Variants in PHLDB2 observed in about 807,000 individuals in gnomAD.
PHLDB2 encodes pleckstrin homology like domain family B member 2, also known as pleckstrin homology-like domain family B member 2.
Under a neutral mutation model 123.6 loss-of-function variants are expected in PHLDB2, and 71 were observed. The ratio of observed to expected loss-of-function variants is 0.57; its 90% CI spans 0.47 to 0.70. The LOEUF is 0.70. Among genes scored for constraint, PHLDB2 ranks in the 30% least tolerant of loss-of-function variants. The probability of loss-of-function intolerance (pLI) is 0.00; values close to 1 mark genes in which losing one functional copy is unlikely to be tolerated. For missense variants in PHLDB2, 1,446 were observed against 1,519.5 expected, an observed-to-expected ratio of 0.95 and a Z score of 0.80; for synonymous variants, 547 against 541.6, an observed-to-expected ratio of 1.01 and a Z score of -0.14.
At chr3:111,920,241 C>G in intron 4 of PHLDB2, 41 bp from the exon 5 acceptor site, 2 of 1,594,308 alleles carry the variant, frequency 1.3e-6, no homozygotes, top group African/African-American at 1.4e-5. Flanking sequence ...GAGAATATCC[C>G]CAAAGGTGAA....
chr3:111,945,003 C>T (rs111227861), intron 8 of PHLDB2, among the ~76,000 whole-genome samples: 8 of 152,268 alleles, frequency 5.3e-5, no homozygotes, highest in African/African-American at 1.9e-4. Flanking sequence ...TTATTTTAAA[C>T]ACATTTTTAA....
intron 2 of PHLDB2, among the ~76,000 whole-genome samples, chr3:111,903,102 G>T (rs1315138393): frequency 6.6e-6 from 1 of 152,026 alleles, no homozygotes; most frequent in African/African-American, 2.4e-5. Flanking sequence ...AAGATTAAAA[G>T]AACTAAATTT....
At chr3:111,751,240 G>C (rs2059769230) in intron 1 of PHLDB2, among the ~76,000 whole-genome samples, 1 of 151,822 alleles carries the variant, frequency 6.6e-6, no homozygotes, top group African/African-American at 2.4e-5. Context: ...GAGTCCAGCA[G>C]GGAGGAAGAT....
Position 111,939,471 on chromosome 3 carries a change from A to T in PHLDB2, c.2131-4A>T. 1.3e-6 allele frequency: 2 copies of T among 1,599,356 alleles called. No homozygotes were observed. Among genetic ancestry groups the T allele is most frequent in the Middle Eastern group, 3.3e-4 (2 of 5,978 alleles). Reference sequence around the variant, plus strand: ...GTCTTGTTTTCATTCACTTTTCTCCAAAGGATGCTGACCTGTTGGATGTTG... The same window carrying T: ...GTCTTGTTTTCATTCACTTTTCTCCTAAGGATGCTGACCTGTTGGATGTTG... On this transcript the variant is annotated splice_region_variant and splice_polypyrimidine_tract_variant and intron_variant, in intron 6 of 17. Coordinates refer to ENST00000431670, the MANE Select transcript of PHLDB2 (RefSeq NM_001134438.2).
At chr3:111,885,945 T>G (rs1398058320) in intron 2 of PHLDB2, 1 of 283,804 alleles carries the variant, frequency 3.5e-6, no homozygotes, top group Admixed American at 4.7e-5. Flanking sequence ...TTAGCTCTGA[T>G]TCTTATCACG....
At chr3:111,757,605 G>A (rs977310540) in intron 1 of PHLDB2, among the ~76,000 whole-genome samples, 27 of 152,190 alleles carry the variant, frequency 1.8e-4, no homozygotes, top group Non-Finnish European at 2.8e-4. Flanking sequence ...GCTTTGTTCC[G>A]TTGCTGGTGA....
At chr3:111,949,922 A>G (rs922330984) in intron 10 of PHLDB2, 17 of 977,168 alleles carry the variant, frequency 1.7e-5, no homozygotes, top group African/African-American at 5.3e-5. Flanking sequence ...GAGTTTGGGA[A>G]TGTTATTTTG....
At chr3:111,873,011 T>C (rs1287454598) in intron 1 of PHLDB2, among the ~76,000 whole-genome samples, 1 of 152,266 alleles carries the variant, frequency 6.6e-6, no homozygotes, top group Non-Finnish European at 1.5e-5. Context: ...AAAAATGGGG[T>C]ATCAAACACG....
chr3:111,893,075 T>C (rs1405448517), intron 2 of PHLDB2, among the ~76,000 whole-genome samples: 2 of 134,274 alleles, frequency 1.5e-5, no homozygotes, highest in African/African-American at 2.6e-5. Context: ...CTGTCTCTAT[T>C]TCCTAGTGAG....
intron 1 of PHLDB2, among the ~76,000 whole-genome samples, chr3:111,817,160 G>C (rs1034045257): frequency 6.6e-6 from 1 of 152,032 alleles, no homozygotes; most frequent in Non-Finnish European, 1.5e-5. Context: ...ATGTGAAAAC[G>C]GACTAATACA....
chr3:111,745,803 A>AG (rs758261515), intron 1 of PHLDB2, among the ~76,000 whole-genome samples: 56 of 53,004 alleles, frequency 1.1e-3, no homozygotes, highest in Non-Finnish European at 2.0e-3. Flanking sequence ...AGAAAAGAGA[A>AG]AGAAAGAAGA....
intron 2 of PHLDB2, among the ~76,000 whole-genome samples, chr3:111,848,625 A>G (rs1231953540): frequency 2.0e-5 from 3 of 152,186 alleles, no homozygotes; most frequent in Non-Finnish European, 4.4e-5. Flanking sequence ...GGGTGTGGGG[A>G]GAAAAATACT....
chr3:111,921,300 C>A (rs2068486204), intron 5 of PHLDB2, among the ~76,000 whole-genome samples: 1 of 152,180 alleles, frequency 6.6e-6, no homozygotes, highest in African/African-American at 2.4e-5. Context: ...TTAACACATT[C>A]TTCCTTACTC....
At chr3:111,809,413 T>C (rs1378344460) in intron 1 of PHLDB2, among the ~76,000 whole-genome samples, 2 of 152,246 alleles carry the variant, frequency 1.3e-5, no homozygotes, top group Non-Finnish European at 2.9e-5. Context: ...TCCAAGCCTG[T>C]GGTTCTATGG....
chr3:111,887,143 A>G (rs1288567193), intron 2 of PHLDB2, among the ~76,000 whole-genome samples: 1 of 152,134 alleles, frequency 6.6e-6, no homozygotes, highest in East Asian at 1.9e-4. Context: ...GTGTTGGTGA[A>G]TTTCTCTTTC....
chr3:111,866,024 T>TTTTTTTTTTTTTTTG lies in PHLDB2; in HGVS notation c.-15+6449_-15+6463dup, dbSNP rs2065059824. On this transcript the variant is annotated intron_variant, in intron 1 of 17. Transcript: ENST00000431670. The stretch of plus-strand genomic sequence containing the variant: ...CTACCCCACCCACTCATTTTTTTTT[T>TTTTTTTTTTTTTTTG]TTTTTTTTTTTTTTGGAGACAGAGT... Among the ~76,000 whole-genome samples, 2 of 125,852 alleles carry TTTTTTTTTTTTTTTG rather than the reference T, an allele frequency of 1.6e-5. 1 individual carries two copies. Among genetic ancestry groups the TTTTTTTTTTTTTTTG allele is most frequent in the Non-Finnish European group, 3.4e-5 (2 of 59,370 alleles). The allele number at this position is 125,852 out of a possible 152,430, so 82.6% of individuals were successfully genotyped here. A position where few individuals can be genotyped will look rare whatever the true frequency, so the allele number is the denominator to read the frequency against.
chr3:111,859,577 G>A lies in PHLDB2; in HGVS notation c.-15+1G>A. The A allele has an allele frequency of 2.0e-6, 2 of 985,600 alleles. No homozygotes were observed. Among genetic ancestry groups the A allele is most frequent in the Non-Finnish European group, 2.4e-6 (2 of 830,046 alleles). The allele number at this position is 985,600 out of a possible 1,614,324, so 61.1% of individuals were successfully genotyped here. A position where few individuals can be genotyped will look rare whatever the true frequency, so the allele number is the denominator to read the frequency against. The stretch of plus-strand genomic sequence containing the variant: ...GGGAACGGGCTGCACCAATGGCCAG[G>A]TGAGGAGGCGGCGGTGGTCGCCCGG... On this transcript the variant is annotated splice_donor_variant, in intron 1 of 17. Transcript: ENST00000431670. LOFTEE classifies it low-confidence loss of function (5UTR_SPLICE).
intron 1 of PHLDB2, among the ~76,000 whole-genome samples, chr3:111,869,310 A>G (rs1017099971): frequency 6.6e-6 from 1 of 152,064 alleles, no homozygotes; most frequent in African/African-American, 2.4e-5. Context: ...TCTGCACTTA[A>G]TGTTCTCATT....
At chr3:111,963,156 T>C (rs1399323068) in intron 13 of PHLDB2, among the ~76,000 whole-genome samples, 2 of 152,144 alleles carry the variant, frequency 1.3e-5, no homozygotes, top group Non-Finnish European at 2.9e-5. Context: ...CTCCTCCTTT[T>C]CTAAAGTTTT....
Sources: gnomAD v4.1 joint callset for allele counts (sites outside exome capture counted in the v4.1 genomes callset) on GRCh38, gnomAD v4.1.1 for gene constraint, MANE v1.5 for transcripts, NCBI Gene and HGNC (gene_info 2026-07-23, HGNC 2026-07-21) for gene names.